Variants in EDA observed in about 807,000 individuals in gnomAD.
The protein encoded by EDA is ectodysplasin-A.
Under a neutral mutation model 23.6 loss-of-function variants are expected in EDA, and 2 were observed. That is an observed-to-expected ratio of 0.08 (90% CI 0.03 to 0.27). The LOEUF (loss-of-function observed/expected upper bound fraction) is 0.27, where lower values mean the gene tolerates loss of function less well. EDA is among the 10% of genes least tolerant of loss of function. EDA has a pLI of 1.00. For missense variants in EDA, 229 were observed against 324.2 expected (o/e 0.71, Z 2.26); for synonymous variants, 131 against 132.0 (o/e 0.99, Z 0.05).
At chrX:69,654,043 C>T (rs1351554646) in intron 1 of EDA, among the ~76,000 whole-genome samples, 1 of 111,209 alleles carries the variant, frequency 9.0e-6, no homozygotes, top group Non-Finnish European at 1.9e-5. Flanking sequence ...ATTTTTGCAA[C>T]CTACTCATCT....
intron 2 of EDA, among the ~76,000 whole-genome samples, chrX:70,000,717 A>G (rs763022429): frequency 3.6e-5 from 4 of 112,263 alleles, no homozygotes; most frequent in Non-Finnish European, 5.6e-5. Context: ...TCTTGTATAA[A>G]CCTCATAACA....
In EDA at chrX:69,948,191, A is replaced by G. The variant is rs2018862004; in HGVS notation, c.397-8836A>G. Among the ~76,000 whole-genome samples the G allele has an allele frequency of 2.7e-5, 3 of 112,517 alleles. 1 individual carries two copies. The highest frequency in any genetic ancestry group is 7.4e-4 in the South Asian group (2 of 2,695). On this transcript the variant is annotated intron_variant, in intron 1 of 7. Transcript: ENST00000374552. The stretch of plus-strand genomic sequence containing the variant: ...AGAGATTGAACTGGTCTGTAGTACA[A>G]TTTCACACTGGTGCCATTCCATGGT...
intron 1 of EDA, among the ~76,000 whole-genome samples, chrX:69,731,586 C>T (rs973995474): frequency 9.0e-6 from 1 of 110,559 alleles, no homozygotes; most frequent in African/African-American, 3.3e-5. Context: ...AGATTACAGG[C>T]GCATGCCACT....
chrX:69,685,276 TA>T (rs1422201367), intron 1 of EDA, among the ~76,000 whole-genome samples: 1 of 112,512 alleles, frequency 8.9e-6, no homozygotes, highest in Admixed American at 9.4e-5. Context: ...ATATTTGAAA[TA>T]AATTATTCAA....
chrX:69,843,628 T>G (rs2016942054), intron 1 of EDA, among the ~76,000 whole-genome samples: 1 of 111,395 alleles, frequency 9.0e-6, no homozygotes, highest in Non-Finnish European at 1.9e-5. Flanking sequence ...AGTTGCTTTA[T>G]CTATAAAATG....
At chrX:69,918,416 C>T (rs1355723676) in intron 1 of EDA, among the ~76,000 whole-genome samples, 1 of 111,561 alleles carries the variant, frequency 9.0e-6, no homozygotes, top group Non-Finnish European at 1.9e-5. Flanking sequence ...CTCAGCCTCC[C>T]AAAGTGCTGG....
At chrX:69,838,007 C>T (rs1477705663) in intron 1 of EDA, among the ~76,000 whole-genome samples, 3 of 112,371 alleles carry the variant, frequency 2.7e-5, no homozygotes, top group Admixed American at 9.4e-5. Context: ...TTTGAAATCA[C>T]TGTTTCTTTT....
chrX:69,679,012 T>G (rs1346792055), intron 1 of EDA, among the ~76,000 whole-genome samples: 2 of 94,112 alleles, frequency 2.1e-5, no homozygotes, highest in Non-Finnish European at 4.1e-5. Flanking sequence ...ACCTAATTTA[T>G]TGAGAGTTTT....
At chrX:69,847,847 T>C (rs2017040911) in intron 1 of EDA, among the ~76,000 whole-genome samples, 1 of 111,804 alleles carries the variant, frequency 8.9e-6, no homozygotes, top group Non-Finnish European at 1.9e-5. Context: ...CATATGATAA[T>C]GTGATAATAC....
intron 1 of EDA, among the ~76,000 whole-genome samples, chrX:69,895,743 A>AACTTTCC (rs1303751234): frequency 2.7e-5 from 3 of 111,683 alleles, no homozygotes; most frequent in Non-Finnish European, 3.8e-5. Context: ...TATAGGCTAC[A>AACTTTCC]ACTTTCCACT....
At chrX:69,923,823 G>A (rs145062796) in intron 1 of EDA, among the ~76,000 whole-genome samples, 6,418 of 111,111 alleles carry the variant, frequency 0.058, 189 homozygotes, top group Middle Eastern at 0.092. Context: ...CCACAGCCTC[G>A]CCATCATCTA....
chrX:69,722,980 T>C (rs1056995042), intron 1 of EDA, among the ~76,000 whole-genome samples: 4 of 112,359 alleles, frequency 3.6e-5, no homozygotes, highest in African/African-American at 1.3e-4. Flanking sequence ...AAATCTGAGA[T>C]TATAGAAACA....
At chrX:70,004,869 T>C (rs774369612) in intron 2 of EDA, among the ~76,000 whole-genome samples, 1 of 112,106 alleles carries the variant, frequency 8.9e-6, no homozygotes, top group African/African-American at 3.2e-5. Context: ...CGAAGGAGGA[T>C]TGCTTGAGGC....
chrX:69,955,756 A>G (rs779239451), intron 1 of EDA, among the ~76,000 whole-genome samples: 1 of 111,836 alleles, frequency 8.9e-6, no homozygotes, highest in Non-Finnish European at 1.9e-5. Flanking sequence ...GCAAAGTACT[A>G]TTATTATCCC....
At chrX:69,866,055 T>C (rs1364932663) in intron 1 of EDA, among the ~76,000 whole-genome samples, 1 of 111,908 alleles carries the variant, frequency 8.9e-6, no homozygotes, top group Non-Finnish European at 1.9e-5. Context: ...ATGACTACCT[T>C]CTTCTACTAC....
chrX:69,788,834 C>A (rs1234221865), intron 1 of EDA, among the ~76,000 whole-genome samples: 15 of 113,404 alleles, frequency 1.3e-4, no homozygotes, highest in African/African-American at 4.8e-4. Context: ...TTCCAGCTTC[C>A]CAGCTGCTTT....
intron 3 of EDA, among the ~76,000 whole-genome samples, chrX:70,027,367 G>C (rs1425564363): frequency 9.0e-6 from 1 of 111,297 alleles, no homozygotes; most frequent in East Asian, 2.8e-4. Flanking sequence ...AAAAGGGAGT[G>C]GGGGGAGGGG....
At chrX:69,946,868 C>T (rs770730507) in intron 1 of EDA, among the ~76,000 whole-genome samples, 11 of 111,915 alleles carry the variant, frequency 9.8e-5, no homozygotes, top group Admixed American at 9.5e-4. Flanking sequence ...ATATATTGCT[C>T]AGGCAATCTC....
At chrX:69,941,478 T>A (rs1187630105) in intron 1 of EDA, among the ~76,000 whole-genome samples, 1 of 111,584 alleles carries the variant, frequency 9.0e-6, no homozygotes, top group Non-Finnish European at 1.9e-5. Context: ...TACATATATT[T>A]AAAATTGTTA....
Sources: gnomAD v4.1 joint callset for allele counts (sites outside exome capture counted in the v4.1 genomes callset) on GRCh38, gnomAD v4.1.1 for gene constraint, MANE v1.5 for transcripts, NCBI Gene and HGNC (gene_info 2026-07-23, HGNC 2026-07-21) for gene names.